CLIC4: variants seen among roughly 807,000 people sequenced by gnomAD.
CLIC4 encodes chloride intracellular channel protein 4.
CLIC4 carries 13 observed loss-of-function variants against 24.6 expected under a neutral mutation model. The observed-to-expected ratio is 0.53, with a 90% CI of 0.34 to 0.84. The LOEUF (loss-of-function observed/expected upper bound fraction) is 0.84, where lower values mean the gene tolerates loss of function less well. Ranked by LOEUF, CLIC4 falls within the 40% of genes least tolerant of loss-of-function variation. The pLI is 0.01. For missense variants in CLIC4, 227 were observed against 301.7 expected, an observed-to-expected ratio of 0.75 and a Z score of 1.83; for synonymous variants, 104 against 111.3, an observed-to-expected ratio of 0.93 and a Z score of 0.41.
chr1:24,788,395 A>G (rs1249202573), intron 1 of CLIC4, among the ~76,000 whole-genome samples: 2 of 152,206 alleles, frequency 1.3e-5, no homozygotes, highest in East Asian at 1.9e-4. Context: ...CAGATAGTCT[A>G]CTATCTGTAT....
At chr1:24,775,224 C>CTTTCTTTT (rs1639119913) in intron 1 of CLIC4, among the ~76,000 whole-genome samples, 15 of 90,642 alleles carry the variant, frequency 1.7e-4, no homozygotes, top group Non-Finnish European at 2.1e-4. Context: ...TTCTTTCTTT[C>CTTTCTTTT]TTTTTTTTTT....
In CLIC4 at chr1:24,787,637, C is replaced by T. The variant is rs893180582; in HGVS notation, c.73-10105C>T. Among the ~76,000 whole-genome samples, 60 of 147,402 alleles carry T rather than the reference C, an allele frequency of 4.1e-4. 1 individual carries two copies. The highest frequency in any genetic ancestry group is 2.1e-4 in the East Asian group (1 of 4,840). On this transcript the variant is annotated intron_variant, in intron 1 of 5. Coordinates refer to ENST00000374379, the MANE Select transcript of CLIC4 (RefSeq NM_013943.3). ...CTGCAAGCTCCGCCTCCCGTGTTCA[C>T]GCATTCTCCTGCCTCAGCCTCCCAA...
chr1:24,757,720 C>T (rs1638869494), intron 1 of CLIC4, among the ~76,000 whole-genome samples: 1 of 152,180 alleles, frequency 6.6e-6, no homozygotes, highest in Admixed American at 6.5e-5. Context: ...CCATAACACA[C>T]ACCCAAGACT....
chr1:24,837,589 A>G (rs1266139899), intron 4 of CLIC4, among the ~76,000 whole-genome samples: 1 of 152,244 alleles, frequency 6.6e-6, no homozygotes, highest in Non-Finnish European at 1.5e-5. Context: ...CATCAAAAGA[A>G]AGGACAATTT....
At chr1:24,746,533 G>A (rs1332295867) in intron 1 of CLIC4, among the ~76,000 whole-genome samples, 2 of 151,902 alleles carry the variant, frequency 1.3e-5, no homozygotes, top group African/African-American at 2.4e-5. Flanking sequence ...TAAACATCTG[G>A]ATCCAGCTCC....
At chr1:24,797,874 A>G in intron 2 of CLIC4, 23 bp downstream of exon 2, 1 of 1,509,114 alleles carries the variant, frequency 6.6e-7, no homozygotes, top group Non-Finnish European at 9.2e-7. Context: ...CGCAGTTTGC[A>G]ATCAACTTAA....
At chr1:24,771,893 G>A (rs567837282) in intron 1 of CLIC4, 19 of 512,590 alleles carry the variant, frequency 3.7e-5, no homozygotes, top group African/African-American at 3.7e-4. Context: ...TGTCAAGTGG[G>A]TGTATTTCTT....
rs758538646 is a variant in CLIC4, at chr1:24,841,036, C to T, written c.*99C>T. On this transcript the variant is annotated 3_prime_UTR_variant, in exon 6 of 6. Transcript: ENST00000374379. The stretch of plus-strand genomic sequence containing the variant: ...TGTAGAGCAGAAATTGTATTTTGCA[C>T]GAACATGCAGTTATTGAAGATTAGG... The T allele has an allele frequency of 5.0e-6, 5 of 996,400 alleles. No homozygotes were observed. Among genetic ancestry groups the T allele is most frequent in the Middle Eastern group, 2.2e-4 (1 of 4,560 alleles). 61.7% of individuals were successfully genotyped at this position (996,400 alleles called of 1,614,324 possible).
chr1:24,767,671 G>A (rs1639018156), intron 1 of CLIC4, among the ~76,000 whole-genome samples: 3 of 152,020 alleles, frequency 2.0e-5, no homozygotes, highest in Admixed American at 6.6e-5. Context: ...GCTCTTGCTG[G>A]ACTTGTAGCT....
At chr1:24,813,839 CT>C (rs1377427595) in intron 2 of CLIC4, among the ~76,000 whole-genome samples, 3 of 152,096 alleles carry the variant, frequency 2.0e-5, no homozygotes. Context: ...CCACCTCAGC[CT>C]CCCTGGTAGC....
chr1:24,798,092 C>G (rs1308598222), intron 2 of CLIC4: 1 of 357,728 alleles, frequency 2.8e-6, no homozygotes, highest in Non-Finnish European at 5.1e-6. Flanking sequence ...ATGAGTAGCA[C>G]TAGGAGCTAA....
intron 1 of CLIC4, among the ~76,000 whole-genome samples, chr1:24,775,201 T>C (rs965566123): frequency 6.6e-6 from 1 of 151,284 alleles, no homozygotes; most frequent in Non-Finnish European, 1.5e-5. Flanking sequence ...GTGAAGATTT[T>C]CTTTTTCTTC....
chr1:24,783,260 T>A (rs1639227150), intron 1 of CLIC4, among the ~76,000 whole-genome samples: 1 of 152,208 alleles, frequency 6.6e-6, no homozygotes, highest in Non-Finnish European at 1.5e-5. Flanking sequence ...CCAGAGAGGT[T>A]AAGTGACTTG....
At chr1:24,756,177 T>A (rs1228789329) in intron 1 of CLIC4, among the ~76,000 whole-genome samples, 1 of 152,056 alleles carries the variant, frequency 6.6e-6, no homozygotes, top group Non-Finnish European at 1.5e-5. Context: ...TTTTTTCTAT[T>A]TCTAGTAGAG....
rs142907642 is a variant in CLIC4, at chr1:24,827,163, C to A, written c.415+47C>A. On this transcript the variant is annotated intron_variant, in intron 4 of 5. Coordinates refer to ENST00000374379, the MANE Select transcript of CLIC4 (RefSeq NM_013943.3). ...TAACATTGCAACAAAAAACCCCAAACAACAACAGGCTGTTATTATGACAGT... is the reference window on the plus strand; with the variant it reads ...TAACATTGCAACAAAAAACCCCAAAAAACAACAGGCTGTTATTATGACAGT... The A allele has an allele frequency of 6.2e-4, 700 of 1,123,046 alleles. 5 individuals carry two copies. The East Asian group carries it at 0.016, about 25-fold the overall frequency. 69.6% of individuals were successfully genotyped at this position (1,123,046 alleles called of 1,614,324 possible).
At chr1:24,835,427 G>C (rs986818956) in intron 4 of CLIC4, among the ~76,000 whole-genome samples, 2 of 152,186 alleles carry the variant, frequency 1.3e-5, no homozygotes, top group African/African-American at 4.8e-5. Context: ...GCCAGGCGTG[G>C]TTGCTCACGC....
intron 3 of CLIC4, among the ~76,000 whole-genome samples, chr1:24,815,618 T>C (rs551086534): frequency 2.6e-5 from 4 of 152,320 alleles, no homozygotes; most frequent in East Asian, 1.9e-4. Context: ...ATCAGAATGG[T>C]GATTGCTGGT....
chr1:24,817,920 T>C (rs567750294), intron 3 of CLIC4, among the ~76,000 whole-genome samples: 5 of 152,274 alleles, frequency 3.3e-5, no homozygotes, highest in African/African-American at 7.2e-5. Flanking sequence ...GGAACAGCAA[T>C]CACTGGAGCA....
At chr1:24,789,466 C>T (rs1469746154) in intron 1 of CLIC4, among the ~76,000 whole-genome samples, 13 of 152,132 alleles carry the variant, frequency 8.5e-5, no homozygotes, top group Admixed American at 6.5e-5. Flanking sequence ...TGCAGTGAGC[C>T]GTGATCGCGC....
Sources: allele counts gnomAD v4.1 joint callset (sites outside exome capture counted in the v4.1 genomes callset), GRCh38; gene constraint gnomAD v4.1.1; transcripts MANE v1.5; gene names NCBI Gene and HGNC (gene_info 2026-07-23, HGNC 2026-07-21).